Variants in PPARGC1B observed in about 807,000 individuals in gnomAD.
PPARGC1B encodes PPARG coactivator 1 beta, also known as peroxisome proliferator-activated receptor gamma coactivator 1-beta.
In PPARGC1B, 34 loss-of-function variants were observed where a neutral mutation model predicts 101.6. The ratio of observed to expected loss-of-function variants is 0.33; its 90% CI spans 0.25 to 0.45. The LOEUF (loss-of-function observed/expected upper bound fraction) is 0.45. Among genes scored for constraint, PPARGC1B ranks in the 20% least tolerant of loss-of-function variants. The probability of loss-of-function intolerance (pLI) is 1.00; values close to 1 mark genes in which losing one functional copy is unlikely to be tolerated. For synonymous variants in PPARGC1B, 548 were observed against 539.3 expected (o/e 1.02, Z -0.22); for missense variants, 1,234 against 1,317.6 (o/e 0.94, Z 0.98).
intron 1 of PPARGC1B, among the ~76,000 whole-genome samples, chr5:149,807,089 A>G (rs751990631): frequency 9.4e-5 from 14 of 149,434 alleles, no homozygotes; most frequent in Non-Finnish European, 1.9e-4. Context: ...ACTCCAGAGT[A>G]GTTGGGACAA....
intron 11 of PPARGC1B, 105 bp downstream of exon 11, chr5:149,846,019 C>T (rs755717356): frequency 1.5e-6 from 2 of 1,329,404 alleles, no homozygotes; most frequent in Non-Finnish European, 1.1e-6. Flanking sequence ...GACATAGCTT[C>T]CATCCCCACA....
chr5:149,833,053 C>T lies in PPARGC1B; in HGVS notation c.980C>T (p.Pro327Leu). 1.9e-6 allele frequency: 3 copies of T among 1,613,910 alleles called. No homozygotes were observed. The highest frequency in any genetic ancestry group is 2.5e-6 in the Non-Finnish European group (3 of 1,180,022). The change falls in exon 5 of 12, where the codon CCC becomes CTC. Residue 327 changes from proline to leucine, a missense_variant. Pro to Leu is a moderately conservative substitution (Grantham distance 98). Around this residue, in one of 3 missense-constraint regions of PPARGC1B, gnomAD observed 734 missense variants for 768.4 expected, o/e 0.96. Coordinates refer to ENST00000309241, the MANE Select transcript of PPARGC1B (RefSeq NM_133263.4). This position sits in a 1 kb window ranked among gnomAD's most constrained non-coding sequence, Gnocchi z 4.1. ...SNPSQQVRSRPWSRHHSKASW... is the reference protein window; with the variant it reads ...SNPSQQVRSRLWSRHHSKASW... The stretch of plus-strand genomic sequence containing the variant: ...CCCTCCCAGCAGGTCAGATCCCGGC[C>T]CTGGTCCCGGCACCACTCCAAAGCC...
At chr5:149,750,453 AATATATATATATATATATATATAT>A (rs55971526) in intron 1 of PPARGC1B, among the ~76,000 whole-genome samples, 15 of 123,240 alleles carry the variant, frequency 1.2e-4, no homozygotes, top group East Asian at 5.1e-4. Context: ...TTTTAGTTAA[AATATATATATATATATATATATAT>A]ATATATATAT....
intron 1 of PPARGC1B, chr5:149,772,114 T>C: frequency 6.3e-7 from 1 of 1,593,728 alleles, no homozygotes; most frequent in African/African-American, 1.3e-5. Context: ...CCCAGGACCC[T>C]TGGAGGAGCC....
chr5:149,746,166 T>C (rs1755081653), intron 1 of PPARGC1B, among the ~76,000 whole-genome samples: 1 of 152,136 alleles, frequency 6.6e-6, no homozygotes, highest in Admixed American at 6.5e-5. Context: ...TTCTAGCTAG[T>C]GTAGTGAGGC....
intron 7 of PPARGC1B, 121 bp from the exon 8 acceptor site, chr5:149,836,142 C>T: frequency 1.2e-6 from 1 of 824,916 alleles, no homozygotes; most frequent in Non-Finnish European, 1.9e-6. Context: ...ACCCACCTCA[C>T]CCTCCCAAAA....
rs1759068495 is a variant in PPARGC1B, at chr5:149,836,247, CCTCTTCCTCGGGCAGGA to C, written c.1808-12_1812del. ...TGATCTGTCTTTATCTTACCTTTCT[CCTCTTCCTCGGGCAGGA>C]CTCACCCCACCCACCACACCACCGT... On this transcript the variant is annotated splice_acceptor_variant and splice_polypyrimidine_tract_variant and coding_sequence_variant and intron_variant, in exon 8 of 12. Coordinates refer to ENST00000309241, the MANE Select transcript of PPARGC1B (RefSeq NM_133263.4). LOFTEE classifies it high-confidence loss of function. 1 of 1,531,582 alleles carries C rather than the reference CCTCTTCCTCGGGCAGGA, an allele frequency of 6.5e-7. No individual in the cohort carries two copies. Among genetic ancestry groups the C allele is most frequent in the Non-Finnish European group, 8.8e-7 (1 of 1,140,046 alleles). The allele number at this position is 1,531,582 out of a possible 1,614,324, so 94.9% of individuals were successfully genotyped here. A position where few individuals can be genotyped will look rare whatever the true frequency, so the allele number is the denominator to read the frequency against.
At chr5:149,808,625 G>GA (rs1757686464) in intron 1 of PPARGC1B, among the ~76,000 whole-genome samples, 1 of 152,306 alleles carries the variant, frequency 6.6e-6, no homozygotes, top group Middle Eastern at 3.4e-3. Context: ...GTTATCTGGT[G>GA]ACTGAGGCTG....
rs557856973 is a variant in PPARGC1B, at chr5:149,739,423, G to A, written c.78+9003G>A. Among the ~76,000 whole-genome samples, 34 of 152,284 alleles carry A rather than the reference G, an allele frequency of 2.2e-4. No homozygotes were observed. In the South Asian group the frequency reaches 6.4e-3, roughly 29 times the overall value. On this transcript the variant is annotated intron_variant, in intron 1 of 11. Transcript: ENST00000309241. The stretch of plus-strand genomic sequence containing the variant: ...GCTCAGGGTCTTGAAGCTAGTGAGC[G>A]GCTTACCTGGGATTTGAACCTTGAC...
intron 1 of PPARGC1B, among the ~76,000 whole-genome samples, chr5:149,775,406 C>T (rs918398669): frequency 2.0e-5 from 3 of 152,228 alleles, no homozygotes; most frequent in South Asian, 4.2e-4. Context: ...CCCTGCCTGC[C>T]GCCCAGGTTG....
chr5:149,827,932 C>T (rs890225783), intron 3 of PPARGC1B, among the ~76,000 whole-genome samples: 1 of 152,136 alleles, frequency 6.6e-6, no homozygotes, highest in Non-Finnish European at 1.5e-5. Flanking sequence ...TGCTGTGGCT[C>T]CTGGAGGCTG....
intron 1 of PPARGC1B, chr5:149,817,747 T>A (rs980515221): frequency 2.2e-6 from 1 of 456,594 alleles, no homozygotes; most frequent in Non-Finnish European, 4.4e-6. Context: ...TGCAGAAGAA[T>A]TGAACTCATA....
chr5:149,757,892 A>G lies in PPARGC1B; in HGVS notation c.78+27472A>G, dbSNP rs916578830. On this transcript the variant is annotated intron_variant, in intron 1 of 11. Transcript: ENST00000309241. ...ACCCACATGGAGGCCTTGGACTCCC[A>G]TGGACCCCATTCCCCTGGGAGGCAT... Among the ~76,000 whole-genome samples, 7 of 152,360 alleles carry G rather than the reference A, an allele frequency of 4.6e-5. No homozygotes were observed. In the East Asian group the frequency reaches 1.2e-3, roughly 25 times the overall value.
chr5:149,734,138 A>G (rs1339399862), intron 1 of PPARGC1B, among the ~76,000 whole-genome samples: 1 of 152,000 alleles, frequency 6.6e-6, no homozygotes, highest in Non-Finnish European at 1.5e-5. Context: ...CCTGGCCAAC[A>G]TGGTGAAATC....
chr5:149,792,760 T>TTCAG lies in PPARGC1B; in HGVS notation c.79-27670_79-27669insGTCA, dbSNP rs1244913280. Among the ~76,000 whole-genome samples, 308 of 151,998 alleles carry TTCAG rather than the reference T, an allele frequency of 2.0e-3. 64 individuals are homozygous for TTCAG. Among genetic ancestry groups the TTCAG allele is most frequent in the Non-Finnish European group, 3.6e-3 (244 of 67,956 alleles). On this transcript the variant is annotated intron_variant, in intron 1 of 11. Coordinates refer to ENST00000309241, the MANE Select transcript of PPARGC1B (RefSeq NM_133263.4). ...TTGTATTCATTCATTCATTCATTCA[T>TTCAG]TCATTCATTCAGTCAGTCTGCATGC...
intron 1 of PPARGC1B, among the ~76,000 whole-genome samples, chr5:149,749,012 C>T (rs1242466561): frequency 2.7e-5 from 4 of 146,934 alleles, no homozygotes; most frequent in Middle Eastern, 6.8e-3. Flanking sequence ...TCCCCAGGCC[C>T]TAGGAGTGAG....
chr5:149,787,038 A>G (rs1756836707), intron 1 of PPARGC1B, among the ~76,000 whole-genome samples: 1 of 152,144 alleles, frequency 6.6e-6, no homozygotes, highest in Non-Finnish European at 1.5e-5. Flanking sequence ...TAGATCCAGG[A>G]GCTCCATCTC....
chr5:149,779,937 A>G (rs1273615190), intron 1 of PPARGC1B, among the ~76,000 whole-genome samples: 1 of 152,090 alleles, frequency 6.6e-6, no homozygotes, highest in African/African-American at 2.4e-5. Flanking sequence ...TCTGCACAAG[A>G]TCTCTCCTGT....
rs534421779 is a variant in PPARGC1B at position 149,833,381 on chromosome 5, AGAGGAG to A, written c.1314_1319del (p.Glu443_Glu444del). Reference sequence around the variant, plus strand: ...AGCAGGAGGAGGAAGACGAGGAAGAAGAGGAGGAGGAAGAGGAAGAAGAAAAAGAGG... The same window carrying A: ...AGCAGGAGGAGGAAGACGAGGAAGAAGAGGAAGAGGAAGAAGAAAAAGAGG... On this transcript the variant is annotated inframe_deletion, in exon 5 of 12. Transcript: ENST00000309241. The surrounding 1 kb of genome is among the most constrained non-coding windows in gnomAD (Gnocchi z 4.1). 3.1e-4 allele frequency: 496 copies of A among 1,613,268 alleles called. 2 individuals are homozygous for A. In the African/African-American group the frequency reaches 5.8e-3, roughly 19 times the overall value.
Sources: allele counts gnomAD v4.1 joint callset (sites outside exome capture counted in the v4.1 genomes callset), GRCh38; gene constraint gnomAD v4.1.1; regional missense constraint gnomAD v4.1.1; non-coding constraint Gnocchi (gnomAD v3.1); transcripts MANE v1.5; gene names NCBI Gene and HGNC (gene_info 2026-07-23, HGNC 2026-07-21).